Variants in LRRC9 observed in about 807,000 individuals in gnomAD.
The protein encoded by LRRC9 is leucine-rich repeat-containing protein 9.
LRRC9 carries 122 observed loss-of-function variants against 63.2 expected under a neutral mutation model. The ratio of observed to expected loss-of-function variants is 1.93; its 90% CI spans 1.67 to 2.24. LRRC9 has a LOEUF of 2.24. LRRC9 is among the 30% of genes most tolerant of loss of function. The pLI is 0.00. For missense variants in LRRC9, 1,071 were observed against 627.7 expected (o/e 1.71, Z -7.55); for synonymous variants, 366 against 213.1 (o/e 1.72, Z -6.25).
At chr14:59,971,513 G>A (rs113214673) in intron 12 of LRRC9, among the ~76,000 whole-genome samples, 2,700 of 152,098 alleles carry the variant, frequency 0.018, 54 homozygotes, top group Non-Finnish European at 0.022. Flanking sequence ...TTATAAATTG[G>A]TTTGGGCAGT....
Position 60,022,770 on chromosome 14 carries a change from GCA to G in LRRC9, c.3606_3607del (p.His1202GlnfsTer14), listed in dbSNP as rs1270436092. 2 of 675,322 alleles carry G rather than the reference GCA, an allele frequency of 3.0e-6. No homozygotes were observed. 41.8% of individuals were successfully genotyped at this position (675,322 alleles called of 1,614,324 possible). On this transcript the variant is annotated frameshift_variant, in exon 27 of 32. Transcript: ENST00000445360. LOFTEE classifies it high-confidence loss of function. ...GCAGTGAAAATTTGCCTCCAATAAT[GCA>G]CAGTTTAGAAGTTCTTCATTTGGGC... is the stretch of plus-strand genomic sequence containing the variant.
intron 16 of LRRC9, 127 bp from the exon 17 acceptor site, chr14:59,984,978 A>G: frequency 2.3e-6 from 1 of 430,634 alleles, no homozygotes; most frequent in Admixed American, 3.9e-5. Context: ...TATTTAAAAT[A>G]ACTGCTTTCT....
At chr14:59,945,026 A>T (rs191244443) in intron 8 of LRRC9, among the ~76,000 whole-genome samples, 2,978 of 151,984 alleles carry the variant, frequency 0.02, 40 homozygotes, top group Non-Finnish European at 0.029. Flanking sequence ...AATTTTGTTT[A>T]AAAAAACTGT....
chr14:59,970,273 T>C (rs1231819344), intron 12 of LRRC9, among the ~76,000 whole-genome samples: 1 of 152,040 alleles, frequency 6.6e-6, no homozygotes, highest in East Asian at 1.9e-4. Flanking sequence ...ACTCCATCCA[T>C]GTTCCTGGAA....
chr14:60,035,808 T>C (rs1251545907), intron 29 of LRRC9, among the ~76,000 whole-genome samples: 2 of 152,238 alleles, frequency 1.3e-5, no homozygotes, highest in East Asian at 3.8e-4. Context: ...TGCTCAGGAT[T>C]GCTTTGGCTA....
At chr14:59,961,292 G>T (rs1184643316) in intron 10 of LRRC9, among the ~76,000 whole-genome samples, 1 of 152,028 alleles carries the variant, frequency 6.6e-6, no homozygotes, top group Non-Finnish European at 1.5e-5. Flanking sequence ...GTTTATCATT[G>T]CTCTTTACCC....
At chr14:59,940,029 A>C (rs547984554) in intron 7 of LRRC9, among the ~76,000 whole-genome samples, 10 of 151,964 alleles carry the variant, frequency 6.6e-5, no homozygotes, top group Non-Finnish European at 1.5e-4. Flanking sequence ...GTTGGGTAGA[A>C]GAGAAGGAGC....
intron 17 of LRRC9, among the ~76,000 whole-genome samples, chr14:59,988,675 A>T (rs1484963243): frequency 6.6e-6 from 1 of 152,170 alleles, no homozygotes; most frequent in Non-Finnish European, 1.5e-5. Context: ...TAATTAAAAT[A>T]ATTATACTAT....
chr14:60,021,254 G>A (rs1170701047), intron 26 of LRRC9, among the ~76,000 whole-genome samples: 1 of 151,812 alleles, frequency 6.6e-6, no homozygotes, highest in Admixed American at 6.6e-5. Flanking sequence ...ATAGTGTTGA[G>A]CAGTGTTTCA....
At position 59,927,017 on chromosome 14, in the gene LRRC9, C is replaced by T. The variant is rs1242265895; in HGVS notation, c.-33-894C>T. 2.6e-5 allele frequency among the ~76,000 whole-genome samples: 4 copies of T among 152,122 alleles called. No individual in the cohort carries two copies. The highest frequency in any genetic ancestry group is 4.4e-5 in the Non-Finnish European group (3 of 67,968). ...TTTCCATTTTTGCCTAGATCTCTCC[C>T]ATCCAGCTTTACATTTGTATTCTGG... On this transcript the variant is annotated intron_variant, in intron 1 of 31. Transcript: ENST00000445360. This position sits in a 1 kb window ranked among gnomAD's most constrained non-coding sequence, Gnocchi z 4.4.
rs895892183 is a variant in LRRC9 at position 59,919,834 on chromosome 14, A to G, written c.-83A>G. ...AGGAGGTAACGAATAAGTCCCCACCACCTTGCCCATAACGCGTTGCTTTCA... is the reference window on the plus strand; with the variant it reads ...AGGAGGTAACGAATAAGTCCCCACCGCCTTGCCCATAACGCGTTGCTTTCA... On this transcript the variant is annotated 5_prime_UTR_variant, in exon 1 of 32. Coordinates refer to ENST00000445360, the Ensembl canonical transcript of LRRC9. This position sits in a 1 kb window ranked among gnomAD's most constrained non-coding sequence, Gnocchi z 4.5. 6.6e-6 allele frequency: 1 copy of G among 152,330 alleles called. No homozygotes were observed. Among genetic ancestry groups the G allele is most frequent in the African/African-American group, 2.4e-5 (1 of 41,450 alleles). 9.4% of individuals were successfully genotyped at this position (152,330 alleles called of 1,614,324 possible). A position where few individuals can be genotyped will look rare whatever the true frequency, so the allele number is the denominator to read the frequency against.
intron 14 of LRRC9, among the ~76,000 whole-genome samples, 155 bp from the exon 15 acceptor site, chr14:59,977,858 CTGAG>C (rs547637227): frequency 1.4e-4 from 22 of 151,932 alleles, no homozygotes; most frequent in Non-Finnish European, 2.1e-4. Context: ...TCGCAACTTA[CTGAG>C]TTTGTTATTT....
At chr14:60,030,493 T>G (rs902180114) in intron 28 of LRRC9, 1 of 152,064 alleles carries the variant, frequency 6.6e-6, no homozygotes, top group African/African-American at 2.4e-5. Flanking sequence ...AGCTACTCTG[T>G]CTACTTTTAA....
chr14:60,035,039 T>C (rs980314449), intron 29 of LRRC9, among the ~76,000 whole-genome samples: 5 of 152,084 alleles, frequency 3.3e-5, no homozygotes, highest in African/African-American at 7.2e-5. Flanking sequence ...CCATTTTAAC[T>C]GGGGTAAAAT....
chr14:59,943,995 T>G (rs1420807189), intron 7 of LRRC9, among the ~76,000 whole-genome samples: 1 of 151,978 alleles, frequency 6.6e-6, no homozygotes, highest in African/African-American at 2.4e-5. Context: ...CTGTTGCATA[T>G]CTTAATTATG....
chr14:59,942,723 G>A lies in LRRC9; in HGVS notation c.727-1866G>A, dbSNP rs1440815835. Among the ~76,000 whole-genome samples, 1 of 151,516 alleles carries A rather than the reference G, an allele frequency of 6.6e-6. No homozygotes were observed. The highest frequency in any genetic ancestry group is 2.4e-5 in the African/African-American group (1 of 41,258). On this transcript the variant is annotated intron_variant, in intron 7 of 31. Transcript: ENST00000445360. This position sits in a 1 kb window ranked among gnomAD's most constrained non-coding sequence, Gnocchi z 5.3. ...AGCCTGGGTGACAGAGTGAGACTCC[G>A]TCTCAAAAAAAAGAGTTCCCTTTGC...
At chr14:60,013,702 C>T (rs1890443810) in intron 23 of LRRC9, among the ~76,000 whole-genome samples, 1 of 152,074 alleles carries the variant, frequency 6.6e-6, no homozygotes, top group Non-Finnish European at 1.5e-5. Flanking sequence ...TCAAAGTTTA[C>T]TTTATCTGAG....
At chr14:59,965,935 A>G (rs1884813909) in intron 10 of LRRC9, among the ~76,000 whole-genome samples, 1 of 139,236 alleles carries the variant, frequency 7.2e-6, no homozygotes, top group Non-Finnish European at 1.5e-5. Flanking sequence ...CTGGTGAGGA[A>G]GAAAGGAGAG....
At position 59,986,994 on chromosome 14, in the gene LRRC9, AT is replaced by A. The variant is rs1035320361; in HGVS notation, c.2211+1771del. 6.6e-6 allele frequency among the ~76,000 whole-genome samples: 1 copy of A among 152,182 alleles called. No individual in the cohort carries two copies. The highest frequency in any genetic ancestry group is 2.4e-5 in the African/African-American group (1 of 41,452). ...GAGGAGAAACTCTACATGGATGTCT[AT>A]GTGTATTTTTTCATCTTTTTATTAT... On this transcript the variant is annotated intron_variant, in intron 17 of 31. Transcript: ENST00000445360. This position sits in a 1 kb window ranked among gnomAD's most constrained non-coding sequence, Gnocchi z 4.7.
Sources: allele counts gnomAD v4.1 joint callset (sites outside exome capture counted in the v4.1 genomes callset), GRCh38; gene constraint gnomAD v4.1.1; non-coding constraint Gnocchi (gnomAD v3.1); transcripts MANE v1.5; gene names NCBI Gene and HGNC (gene_info 2026-07-23, HGNC 2026-07-21).